GAREM1: variants seen among roughly 807,000 people sequenced by gnomAD.
The protein encoded by GAREM1 is GRB2 associated regulator of MAPK1 subtype 1.
A neutral mutation model predicts 71.3 loss-of-function variants in GAREM1; 26 were observed. The ratio of observed to expected loss-of-function variants is 0.36; its 90% CI spans 0.27 to 0.51. The LOEUF (loss-of-function observed/expected upper bound fraction) is 0.51. GAREM1 is among the 20% of genes least tolerant of loss of function. GAREM1 has a pLI of 0.95. For missense variants in GAREM1, 1,026 were observed against 1,103.1 expected, an observed-to-expected ratio of 0.93 and a Z score of 0.99; for synonymous variants, 440 against 433.2, an observed-to-expected ratio of 1.02 and a Z score of -0.20.
intron 2 of GAREM1, among the ~76,000 whole-genome samples, chr18:32,321,769 C>A (rs1197928310): frequency 2.0e-5 from 3 of 152,196 alleles, no homozygotes; most frequent in Non-Finnish European, 1.5e-5. Flanking sequence ...ACTGCTACCA[C>A]ATATTCCCAA....
At chr18:32,305,872 T>C (rs974482794) in intron 3 of GAREM1, among the ~76,000 whole-genome samples, 1 of 152,138 alleles carries the variant, frequency 6.6e-6, no homozygotes, top group Non-Finnish European at 1.5e-5. Context: ...CTAGGGCACA[T>C]TCCATCAACA....
intron 2 of GAREM1, among the ~76,000 whole-genome samples, chr18:32,380,474 T>TAAAAAAAAAAAAAAA (rs35881689): frequency 2.2e-5 from 2 of 92,446 alleles, no homozygotes; most frequent in Non-Finnish European, 2.1e-5. Flanking sequence ...AGACTTCATT[T>TAAAAAAAAAAAAAAA]AAAAAAAAAA....
At chr18:32,428,571 T>C (rs2048596130) in intron 1 of GAREM1, among the ~76,000 whole-genome samples, 1 of 152,188 alleles carries the variant, frequency 6.6e-6, no homozygotes, top group Admixed American at 6.6e-5. Flanking sequence ...TCTGCCATGA[T>C]TGTAAGTTTC....
chr18:32,460,138 C>T (rs1350929948), intron 1 of GAREM1, among the ~76,000 whole-genome samples: 31 of 144,364 alleles, frequency 2.1e-4, no homozygotes, highest in African/African-American at 7.9e-4. Context: ...AAAAAAAAGT[C>T]TGACCAAAGA....
chr18:32,364,875 GACACACACACACACAC>G (rs35309414), intron 2 of GAREM1, among the ~76,000 whole-genome samples: 1 of 144,478 alleles, frequency 6.9e-6, no homozygotes, highest in Non-Finnish European at 1.5e-5. Context: ...TAAGAGCACA[GACACACACACACACAC>G]ACACACACAC....
intron 1 of GAREM1, among the ~76,000 whole-genome samples, chr18:32,437,033 A>G (rs1390732521): frequency 6.6e-6 from 1 of 152,216 alleles, no homozygotes; most frequent in African/African-American, 2.4e-5. Flanking sequence ...ACACAGGTAG[A>G]GAGAAAGTAA....
At chr18:32,386,371 G>C (rs549066441) in intron 2 of GAREM1, among the ~76,000 whole-genome samples, 55 of 152,330 alleles carry the variant, frequency 3.6e-4, no homozygotes, top group African/African-American at 1.2e-3. Context: ...AACAGGCACT[G>C]CTGATATAAA....
chr18:32,379,508 C>T (rs575507488), intron 2 of GAREM1, among the ~76,000 whole-genome samples: 1 of 150,512 alleles, frequency 6.6e-6, no homozygotes, highest in East Asian at 2.0e-4. Context: ...AGTTCAAGAC[C>T]AGCCTGACCA....
chr18:32,314,584 TTTG>T lies in GAREM1; in HGVS notation c.263-4264_263-4262del, dbSNP rs200870673. ...CAGATTGTCATTTCTTGGGTCACTT[TTTG>T]TTGTTGTTTTTTTTTTTTTGAGACG... is the stretch of plus-strand genomic sequence containing the variant. On this transcript the variant is annotated intron_variant, in intron 2 of 5. Coordinates refer to ENST00000269209, the MANE Select transcript of GAREM1 (RefSeq NM_001242409.2). Among the ~76,000 whole-genome samples, 995 of 146,182 alleles carry T rather than the reference TTTG, an allele frequency of 6.8e-3. 17 individuals carry two copies. Among genetic ancestry groups the T allele is most frequent in the African/African-American group, 0.025 (940 of 37,036 alleles).
chr18:32,390,873 GGTAGGACCCCACATCA>G (rs1176814073), intron 2 of GAREM1, among the ~76,000 whole-genome samples: 9 of 152,132 alleles, frequency 5.9e-5, no homozygotes, highest in Non-Finnish European at 8.8e-5. Context: ...AACTTCTGGA[GGTAGGACCCCACATCA>G]GTCTTTTTAA....
chr18:32,462,985 G>A (rs558698867), intron 1 of GAREM1, among the ~76,000 whole-genome samples: 17 of 152,158 alleles, frequency 1.1e-4, no homozygotes, highest in African/African-American at 3.9e-4. Context: ...TTAAATAAAA[G>A]GAAGAATAAG....
chr18:32,469,569 T>C (rs2049029994), intron 1 of GAREM1, among the ~76,000 whole-genome samples: 1 of 152,222 alleles, frequency 6.6e-6, no homozygotes, highest in African/African-American at 2.4e-5. Context: ...CACCGCAGAA[T>C]AAACAGTTGG....
chr18:32,346,830 C>CAA lies in GAREM1; in HGVS notation c.263-36508_263-36507insTT, dbSNP rs545007425. ...AGAATGTTTACAAAGTAGAGTTGAA[C>CAA]TGCAGGGGAGAACAGGCCTTGCAGA... On this transcript the variant is annotated intron_variant, in intron 2 of 5. Coordinates refer to ENST00000269209, the MANE Select transcript of GAREM1 (RefSeq NM_001242409.2). Among the ~76,000 whole-genome samples the CAA allele has an allele frequency of 2.0e-3, 310 of 152,288 alleles. 1 individual carries two copies. Among genetic ancestry groups the CAA allele is most frequent in the South Asian group, 4.1e-3 (20 of 4,824 alleles).
chr18:32,332,086 G>A (rs186955916), intron 2 of GAREM1, among the ~76,000 whole-genome samples: 12 of 151,312 alleles, frequency 7.9e-5, no homozygotes, highest in African/African-American at 2.7e-4. Flanking sequence ...TTGTGGTTGG[G>A]GACTTGCGTC....
intron 1 of GAREM1, among the ~76,000 whole-genome samples, chr18:32,428,674 G>C (rs983150958): frequency 2.0e-5 from 3 of 152,036 alleles, no homozygotes; most frequent in Non-Finnish European, 2.9e-5. Flanking sequence ...AAATTACTTA[G>C]TCTCAAGTAT....
At chr18:32,364,139 A>G (rs1227843982) in intron 2 of GAREM1, among the ~76,000 whole-genome samples, 4 of 145,210 alleles carry the variant, frequency 2.8e-5, no homozygotes, top group Non-Finnish European at 6.0e-5. Flanking sequence ...GATTCATGCG[A>G]TTCTCCTGCC....
intron 2 of GAREM1, among the ~76,000 whole-genome samples, chr18:32,381,304 T>TTTG (rs144713973): frequency 6.6e-6 from 1 of 151,950 alleles, no homozygotes; most frequent in Non-Finnish European, 1.5e-5. Flanking sequence ...AAAGAGGTTT[T>TTTG]TTGTTGTTGT....
At chr18:32,307,562 G>A (rs532680035) in intron 3 of GAREM1, among the ~76,000 whole-genome samples, 33 of 152,138 alleles carry the variant, frequency 2.2e-4, no homozygotes, top group Admixed American at 7.9e-4. Context: ...TCACTCTGTC[G>A]CTAAGGCTGG....
rs1041348556 is a variant in GAREM1, at chr18:32,268,556, C to T, written c.1946G>A (p.Ser649Asn). Residue 649 changes from serine (S) to asparagine (N), a missense_variant, in exon 6 of 6, where the codon AGT (serine) becomes AAT (asparagine). Physicochemically the swap from Ser to Asn is conservative, Grantham distance 46. Coordinates refer to ENST00000269209, the MANE Select transcript of GAREM1 (RefSeq NM_001242409.2). ...CGTCTTTTGTCTAGGGTAACTATAA[C>T]TCCTGCTTGGATCCAGCAGGAAGTC... is the stretch of plus-strand genomic sequence containing the variant. The part of the protein sequence containing the change: ...RSDFLLDPSR[S>N]YSYPRQKTPG... 1.9e-6 allele frequency: 3 copies of T among 1,614,174 alleles called. No homozygotes were observed. The highest frequency in any genetic ancestry group is 1.7e-5 in the Admixed American group (1 of 60,026).
Sources: allele counts gnomAD v4.1 joint callset (sites outside exome capture counted in the v4.1 genomes callset), GRCh38; gene constraint gnomAD v4.1.1; transcripts MANE v1.5; gene names NCBI Gene and HGNC (gene_info 2026-07-23, HGNC 2026-07-21).